The following CFAP251 variants were observed in gnomAD, a reference collection of about 807,000 sequenced individuals.
CFAP251 encodes cilia- and flagella-associated protein 251.
A neutral mutation model predicts 126.7 loss-of-function variants in CFAP251; 93 were observed. That is an observed-to-expected ratio of 0.73 (90% CI 0.62 to 0.87). CFAP251 has a LOEUF of 0.87. Ranked by LOEUF, CFAP251 falls within the 40% of genes least tolerant of loss-of-function variation. The pLI is 0.00. For synonymous variants in CFAP251, 503 were observed against 506.9 expected (o/e 0.99, Z 0.10); for missense variants, 1,287 against 1,389.2 (o/e 0.93, Z 1.17).
intron 19 of CFAP251, among the ~76,000 whole-genome samples, chr12:121,988,467 T>C (rs1882803014): frequency 6.6e-6 from 1 of 152,176 alleles, no homozygotes; most frequent in Non-Finnish European, 1.5e-5. Flanking sequence ...ATAAATGGAG[T>C]CATGAAATAT....
chr12:121,928,512 C>T (rs943396253), intron 3 of CFAP251, among the ~76,000 whole-genome samples: 1 of 151,144 alleles, frequency 6.6e-6, no homozygotes, highest in Non-Finnish European at 1.5e-5. Context: ...GGAAACTTAC[C>T]AGATTTTGTT....
intron 19 of CFAP251, among the ~76,000 whole-genome samples, chr12:121,994,954 T>TA (rs1347894489): frequency 1.5e-4 from 20 of 135,338 alleles, no homozygotes; most frequent in African/African-American, 5.1e-4. Context: ...GAATTATCAA[T>TA]AAAAAAATAA....
chr12:121,933,842 A>G (rs1283344016), intron 4 of CFAP251, among the ~76,000 whole-genome samples: 1 of 152,106 alleles, frequency 6.6e-6, no homozygotes, highest in African/African-American at 2.4e-5. Flanking sequence ...GAGTGGGAGT[A>G]GAGAGACCAG....
In CFAP251 at chr12:121,931,747, C is replaced by G; in HGVS notation, c.749C>G (p.Thr250Ser). ...KDKSTPVYPL[T>S]MTWSFGWNSS... is the part of the protein sequence containing the mutation. Reference sequence around the variant, plus strand: ...GCTGGCTTTGCCCTTGTCTTCCAGACCATGACCTGGTCGTTTGGATGGAAC... The same window carrying G: ...GCTGGCTTTGCCCTTGTCTTCCAGAGCATGACCTGGTCGTTTGGATGGAAC... Residue 250 changes from threonine to serine, a missense_variant and splice_region_variant, in exon 4 of 22, where the codon ACC (threonine) becomes AGC (serine). Thr to Ser is a moderately conservative substitution (Grantham distance 58). Transcript: ENST00000288912. 1 of 1,570,626 alleles carries G rather than the reference C, an allele frequency of 6.4e-7. No individual in the cohort carries two copies. Among genetic ancestry groups the G allele is most frequent in the Non-Finnish European group, 8.6e-7 (1 of 1,160,922 alleles).
chr12:121,936,141 G>C (rs1880886962), intron 5 of CFAP251, among the ~76,000 whole-genome samples: 2 of 152,160 alleles, frequency 1.3e-5, no homozygotes, highest in African/African-American at 4.8e-5. Flanking sequence ...TTCTTGCTAT[G>C]GTATTTTTAT....
intron 15 of CFAP251, among the ~76,000 whole-genome samples, chr12:121,964,787 C>T (rs1211222384): frequency 3.3e-5 from 5 of 152,104 alleles, no homozygotes; most frequent in Admixed American, 1.3e-4. Context: ...GTAATCCCAG[C>T]TACGTGGGAG....
chr12:121,977,485 C>G (rs1220083772), intron 19 of CFAP251, among the ~76,000 whole-genome samples: 1 of 151,910 alleles, frequency 6.6e-6, no homozygotes, highest in African/African-American at 2.4e-5. Flanking sequence ...ATGGTGAAGC[C>G]CTGTCTCTAC....
At chr12:121,968,994 A>G (rs1882244741) in intron 17 of CFAP251, 3 of 985,140 alleles carry the variant, frequency 3.0e-6, no homozygotes, top group South Asian at 9.4e-5. Context: ...AGAGTCAACC[A>G]TGTGGCAGCC....
intron 15 of CFAP251, among the ~76,000 whole-genome samples, chr12:121,966,221 TCCCTC>T (rs1389730602): frequency 2.0e-4 from 2 of 10,086 alleles, no homozygotes; most frequent in African/African-American, 4.8e-4. Context: ...CCCCTCCCCT[TCCCTC>T]CCCTCCCCTC....
chr12:121,931,842 G>A lies in CFAP251; in HGVS notation c.844G>A (p.Ala282Thr). ...RVLLYVCAHT[A>T]IIYNVFRNNQ... ...TCTTCTGTATGTTTGTGCTCACACT[G>A]CGATCATCTACAACGTGTTCAGGAA... The change falls in exon 4 of 22, where the codon GCG (alanine) becomes ACG (threonine). Residue 282 changes from alanine to threonine, a missense_variant. Coordinates refer to ENST00000288912, the MANE Select transcript of CFAP251 (RefSeq NM_144668.6). The A allele has an allele frequency of 6.2e-7, 1 of 1,604,634 alleles. No homozygotes were observed. Among genetic ancestry groups the A allele is most frequent in the Non-Finnish European group, 8.5e-7 (1 of 1,176,162 alleles).
Position 121,923,519 on chromosome 12 carries a change from T to C in CFAP251, c.379-103T>C. Reference sequence around the variant, plus strand: ...CTTTTAAAAAACATTTCATAATTCCTAGGTGAGGCTAACACTAAGACTGGC... The same window carrying C: ...CTTTTAAAAAACATTTCATAATTCCCAGGTGAGGCTAACACTAAGACTGGC... On this transcript the variant is annotated intron_variant, in intron 2 of 21. Coordinates refer to ENST00000288912, the MANE Select transcript of CFAP251 (RefSeq NM_144668.6). 5.6e-6 allele frequency: 8 copies of C among 1,418,276 alleles called. No homozygotes were observed. The South Asian group carries it at 1.0e-4, about 18-fold the overall frequency. 87.9% of individuals were successfully genotyped at this position (1,418,276 alleles called of 1,614,324 possible).
intron 3 of CFAP251, among the ~76,000 whole-genome samples, chr12:121,931,073 G>A (rs1287040686): frequency 4.0e-5 from 6 of 151,800 alleles, no homozygotes; most frequent in East Asian, 3.9e-4. Context: ...ATAAAGTTAC[G>A]TAATGACTTC....
Position 121,967,084 on chromosome 12 carries a change from T to C in CFAP251, c.2607+15T>C. 1 of 1,603,326 alleles carries C rather than the reference T, an allele frequency of 6.2e-7. No individual in the cohort carries two copies. Among genetic ancestry groups the C allele is most frequent in the South Asian group, 1.1e-5 (1 of 90,856 alleles). On this transcript the variant is annotated intron_variant, in intron 16 of 21. Transcript: ENST00000288912. The stretch of plus-strand genomic sequence containing the variant: ...ACAGAGACAAGGTAACAGCGCTCTC[T>C]TCTCCAGTTCTGGGAGTTGACTCTG...
chr12:121,985,165 T>C (rs1882716069), intron 19 of CFAP251, among the ~76,000 whole-genome samples: 1 of 152,230 alleles, frequency 6.6e-6, no homozygotes, highest in Non-Finnish European at 1.5e-5. Flanking sequence ...ACTTAACTTT[T>C]TATTTTATTT....
intron 1 of CFAP251, among the ~76,000 whole-genome samples, chr12:121,920,383 C>T (rs1880115796): frequency 1.4e-5 from 2 of 144,848 alleles, no homozygotes; most frequent in African/African-American, 5.1e-5. Context: ...ACCACCACCA[C>T]ACCAGGCTTT....
rs1255458210 is a variant in CFAP251, at chr12:121,948,907, A to G, written c.1192-77A>G. The G allele has an allele frequency of 1.4e-5, 12 of 829,034 alleles. No homozygotes were observed. In the Admixed American group the frequency reaches 3.4e-4, roughly 24 times the overall value. 51.4% of individuals were successfully genotyped at this position (829,034 alleles called of 1,614,324 possible). ...CTACTCATTTGTTTTAATTAAAATT[A>G]TTATTTAATTTTAACATTCAGCTTA... On this transcript the variant is annotated intron_variant, in intron 7 of 21. Transcript: ENST00000288912.
chr12:121,993,619 G>A (rs1250292089), intron 19 of CFAP251, among the ~76,000 whole-genome samples: 2 of 132,700 alleles, frequency 1.5e-5, no homozygotes, highest in East Asian at 5.0e-4. Context: ...CTGCCCCGCC[G>A]CCCCATCTGG....
chr12:121,945,764 C>G (rs1881301069), intron 7 of CFAP251, among the ~76,000 whole-genome samples: 1 of 152,030 alleles, frequency 6.6e-6, no homozygotes, highest in Non-Finnish European at 1.5e-5. Flanking sequence ...CTCCTGGGTT[C>G]ACGCCATTCT....
chr12:122,000,332 G>A (rs1883119172), intron 20 of CFAP251, among the ~76,000 whole-genome samples: 1 of 152,026 alleles, frequency 6.6e-6, no homozygotes, highest in South Asian at 2.1e-4. Flanking sequence ...CGGGCGGATT[G>A]CTTGAGGTCA....
Sources: gnomAD v4.1 joint callset for allele counts (sites outside exome capture counted in the v4.1 genomes callset) on GRCh38, gnomAD v4.1.1 for gene constraint, MANE v1.5 for transcripts, NCBI Gene and HGNC (gene_info 2026-07-23, HGNC 2026-07-21) for gene names.